SPNS3: variants seen among roughly 807,000 people sequenced by gnomAD.
SPNS3 encodes protein spinster homolog 3.
In SPNS3, 51 loss-of-function variants were observed where a neutral mutation model predicts 54.4. That is an observed-to-expected ratio of 0.94 (90% CI 0.75 to 1.18). The LOEUF (loss-of-function observed/expected upper bound fraction) is 1.18. Ranked by LOEUF, SPNS3 falls within the 50% of genes most tolerant of loss-of-function variation. The probability of loss-of-function intolerance (pLI) is 0.00; values close to 1 mark genes in which losing one functional copy is unlikely to be tolerated. For missense variants in SPNS3, 669 were observed against 677.4 expected (o/e 0.99, Z 0.14); for synonymous variants, 309 against 294.7 (o/e 1.05, Z -0.50).
rs572273097 is a variant in SPNS3, at chr17:4,479,692, T to C, written c.1179+1055T>C. On this transcript the variant is annotated intron_variant, in intron 9 of 11. Coordinates refer to ENST00000355530, the MANE Select transcript of SPNS3 (RefSeq NM_182538.5). ...CAGACTGGCAGTCAGCTGAGAGCTG[T>C]CCTGAGGGCATTCAATGCCGCGGCA... Among the ~76,000 whole-genome samples, 5 of 152,336 alleles carry C rather than the reference T, an allele frequency of 3.3e-5. No homozygotes were observed. In the East Asian group the frequency reaches 7.7e-4, roughly 24 times the overall value.
intron 8 of SPNS3, among the ~76,000 whole-genome samples, chr17:4,456,258 A>G (rs1013882243): frequency 2.6e-5 from 4 of 152,022 alleles, no homozygotes; most frequent in South Asian, 2.1e-4. Context: ...GGTCAAGAGC[A>G]GAACTCTTTC....
At chr17:4,443,149 C>A (rs1970897544) in intron 2 of SPNS3, among the ~76,000 whole-genome samples, 1 of 152,074 alleles carries the variant, frequency 6.6e-6, no homozygotes, top group Admixed American at 6.6e-5. Context: ...CAGCTCACTG[C>A]AACCTCCACC....
In SPNS3 at chr17:4,487,957, C is replaced by T. The variant is rs116293531; in HGVS notation, c.*63C>T. 1.1e-3 allele frequency: 1,659 copies of T among 1,466,654 alleles called. 13 individuals carry two copies. In the African/African-American group the frequency reaches 0.02, roughly 17 times the overall value. The allele number at this position is 1,466,654 out of a possible 1,614,324, so 90.9% of individuals were successfully genotyped here. A position where few individuals can be genotyped will look rare whatever the true frequency, so the allele number is the denominator to read the frequency against. ...GTTGGTCCCCACAGCAGCAGTGCCT[C>T]GGTTCCTCTTTGGCTGTCCTCGGGG... On this transcript the variant is annotated 3_prime_UTR_variant, in exon 12 of 12. Transcript: ENST00000355530.
intron 7 of SPNS3, among the ~76,000 whole-genome samples, 156 bp from the exon 8 acceptor site, chr17:4,452,860 G>A (rs1971202251): frequency 6.6e-6 from 1 of 152,036 alleles, no homozygotes; most frequent in Admixed American, 6.6e-5. Context: ...GGGTGGGTAA[G>A]GTTCTGGGTC....
intron 8 of SPNS3, among the ~76,000 whole-genome samples, chr17:4,459,512 G>A (rs755539813): frequency 7.9e-5 from 12 of 152,054 alleles, no homozygotes; most frequent in Non-Finnish European, 1.0e-4. Flanking sequence ...AGGAGTTCAA[G>A]ACCAGCCTGG....
At chr17:4,478,440 C>T in intron 8 of SPNS3, 132 bp from the exon 9 acceptor site, 1 of 776,130 alleles carries the variant, frequency 1.3e-6, no homozygotes, top group African/African-American at 1.7e-5. Context: ...GCCTTCCTCG[C>T]TCACTCCAAT....
At chr17:4,472,909 C>T (rs905983694) in intron 8 of SPNS3, among the ~76,000 whole-genome samples, 3 of 148,120 alleles carry the variant, frequency 2.0e-5, no homozygotes, top group Non-Finnish European at 4.4e-5. Flanking sequence ...CCCCTTCAGC[C>T]TCTGGAATAG....
At chr17:4,451,247 T>TTC (rs528404342) in intron 7 of SPNS3, among the ~76,000 whole-genome samples, 2 of 119,866 alleles carry the variant, frequency 1.7e-5, no homozygotes, top group South Asian at 3.0e-4. Context: ...CTTCTTCTTC[T>TTC]TTGTTTTTTT....
chr17:4,440,671 G>T (rs988294472), intron 2 of SPNS3, among the ~76,000 whole-genome samples: 1 of 152,072 alleles, frequency 6.6e-6, no homozygotes, highest in South Asian at 2.1e-4. Context: ...ACTCCTCTCC[G>T]CATCCTGGAT....
intron 2 of SPNS3, 56 bp from the exon 3 acceptor site, chr17:4,444,976 A>G: frequency 6.4e-7 from 1 of 1,562,568 alleles, no homozygotes; most frequent in Non-Finnish European, 8.7e-7. Flanking sequence ...CTGCTGGGCC[A>G]TCTGCCCTGC....
intron 5 of SPNS3, among the ~76,000 whole-genome samples, chr17:4,447,735 G>T (rs149756873): frequency 0.011 from 1,721 of 152,262 alleles, 35 homozygotes; most frequent in African/African-American, 0.04. Flanking sequence ...GAGCAGAGGG[G>T]CCGCTAGGAG....
At chr17:4,473,459 G>C (rs548224414) in intron 8 of SPNS3, among the ~76,000 whole-genome samples, 1 of 150,414 alleles carries the variant, frequency 6.6e-6, no homozygotes. Flanking sequence ...GTGCAGGTGC[G>C]ATCTGTCAAC....
chr17:4,486,599 C>T lies in SPNS3; in HGVS notation c.1450+16C>T, dbSNP rs759581347. Reference sequence around the variant, plus strand: ...CCTGTCACAGGTACCCTACCCATTGCACCAGGCCCGGCTCAGGGCCGGCAC... The same window carrying T: ...CCTGTCACAGGTACCCTACCCATTGTACCAGGCCCGGCTCAGGGCCGGCAC... On this transcript the variant is annotated intron_variant, in intron 11 of 11. Coordinates refer to ENST00000355530, the MANE Select transcript of SPNS3 (RefSeq NM_182538.5). This position sits in a 1 kb window ranked among gnomAD's most constrained non-coding sequence, Gnocchi z 5.5. 2.5e-6 allele frequency: 4 copies of T among 1,598,308 alleles called. No homozygotes were observed. The Admixed American group carries it at 6.8e-5, about 27-fold the overall frequency.
At chr17:4,469,620 C>CAAAAAA (rs551056606) in intron 8 of SPNS3, among the ~76,000 whole-genome samples, 1 of 66,834 alleles carries the variant, frequency 1.5e-5, no homozygotes, top group African/African-American at 5.4e-5. Flanking sequence ...GACTCCATCT[C>CAAAAAA]AAAAAAAAAA....
chr17:4,469,503 C>T (rs1432232864), intron 8 of SPNS3, among the ~76,000 whole-genome samples: 1 of 151,208 alleles, frequency 6.6e-6, no homozygotes, highest in African/African-American at 2.4e-5. Context: ...CCTGCAGTCC[C>T]AGTTCCTTAG....
Position 4,486,197 on chromosome 17 carries a change from G to C in SPNS3, c.1180-31G>C. ...AGCAGGCAAGGGTGCCCTCACTTGG[G>C]GTGCCCCCCTGCTGTGCCTATGTTT... On this transcript the variant is annotated intron_variant, in intron 9 of 11. Transcript: ENST00000355530. The surrounding 1 kb of genome is among the most constrained non-coding windows in gnomAD (Gnocchi z 5.5). The C allele has an allele frequency of 6.7e-7, 1 of 1,503,202 alleles. No homozygotes were observed. Among genetic ancestry groups the C allele is most frequent in the East Asian group, 2.4e-5 (1 of 42,350 alleles). 93.1% of individuals were successfully genotyped at this position (1,503,202 alleles called of 1,614,324 possible).
At chr17:4,458,447 CTTCTTTCTTCT>C (rs1328125659) in intron 8 of SPNS3, among the ~76,000 whole-genome samples, 1 of 72,640 alleles carries the variant, frequency 1.4e-5, no homozygotes, top group African/African-American at 3.1e-5. Flanking sequence ...CCCTCCCTCC[CTTCTTTCTTCT>C]TTCTTTCTTT....
intron 8 of SPNS3, among the ~76,000 whole-genome samples, chr17:4,459,004 C>G (rs1022169119): frequency 6.6e-6 from 1 of 152,054 alleles, no homozygotes; most frequent in Non-Finnish European, 1.5e-5. Context: ...TCTTGATTCC[C>G]TAGTCATTCC....
At chr17:4,439,533 G>A in intron 1 of SPNS3, 125 bp from the exon 2 acceptor site, 1 of 737,094 alleles carries the variant, frequency 1.4e-6, no homozygotes, top group South Asian at 1.7e-5. Flanking sequence ...AGAGAACAGT[G>A]GGCTTGGGTG....
Sources: gnomAD v4.1 joint callset for allele counts (sites outside exome capture counted in the v4.1 genomes callset) on GRCh38, gnomAD v4.1.1 for gene constraint, Gnocchi (gnomAD v3.1) non-coding constraint, MANE v1.5 for transcripts, NCBI Gene and HGNC (gene_info 2026-07-23, HGNC 2026-07-21) for gene names.